FLNB: variants seen among roughly 807,000 people sequenced by gnomAD.
FLNB encodes the protein filamin B, also known as filamin-B.
Under a neutral mutation model 250.6 loss-of-function variants are expected in FLNB, and 111 were observed. The observed-to-expected ratio is 0.44, with a 90% confidence interval of 0.38 to 0.52. FLNB has a LOEUF of 0.52. Among genes scored for constraint, FLNB ranks in the 20% least tolerant of loss-of-function variants. The pLI, the probability that FLNB is intolerant of heterozygous loss-of-function variation, is 0.00. For synonymous variants in FLNB, 1,302 were observed against 1,372.1 expected (o/e 0.95, Z 1.13); for missense variants, 2,869 against 3,447.8 (o/e 0.83, Z 4.20).
Position 58,146,027 on chromosome 3 carries a change from C to T in FLNB, c.5532C>T (p.Ile1844=), listed in dbSNP as rs202240037. 2.0e-4 allele frequency: 321 copies of T among 1,614,230 alleles called. No individual in the cohort carries two copies. In the East Asian group the frequency reaches 3.0e-3, roughly 15 times the overall value. Reference sequence around the variant, plus strand: ...CCAACAAAACTGCCACCTTCACCATCGTCACAGAGGATGCAGGAGAAGGTA... The same window carrying T: ...CCAACAAAACTGCCACCTTCACCATTGTCACAGAGGATGCAGGAGAAGGTA... ...GVANKTATFT[I]VTEDAGEGGL... The change falls in exon 33 of 46, where the codon ATC becomes ATT. Residue 1844 remains isoleucine (I), a synonymous_variant. Coordinates refer to ENST00000295956, the MANE Select transcript of FLNB (RefSeq NM_001457.4).
rs778121912 is a variant in FLNB at position 58,123,659 on chromosome 3, C to G, written c.3693C>G (p.Ile1231Met). ...KVEPAVDTSR[I>M]KVFGPGIEGK... Reference sequence around the variant, plus strand: ...AGCCCGCCGTGGACACCAGCAGGATCAAAGTCTTTGGACCAGGAATAGAAG... The same window carrying G: ...AGCCCGCCGTGGACACCAGCAGGATGAAAGTCTTTGGACCAGGAATAGAAG... The change falls in exon 21 of 46, where the codon ATC (isoleucine) becomes ATG (methionine). Residue 1231 changes from isoleucine to methionine, a missense_variant. Ile to Met is a conservative substitution (Grantham distance 10). Transcript: ENST00000295956. 6.9e-7 allele frequency: 1 copy of G among 1,445,596 alleles called. No homozygotes were observed. The highest frequency in any genetic ancestry group is 9.4e-7 in the Non-Finnish European group (1 of 1,058,802). 89.5% of individuals were successfully genotyped at this position (1,445,596 alleles called of 1,614,324 possible).
At chr3:58,130,221 C>A (rs2097304736) in intron 24 of FLNB, among the ~76,000 whole-genome samples, 1 of 152,188 alleles carries the variant, frequency 6.6e-6, no homozygotes, top group Non-Finnish European at 1.5e-5. Context: ...TCTCTCCGTT[C>A]TGTTGTTCCA....
intron 28 of FLNB, 137 bp from the exon 29 acceptor site, chr3:58,138,145 T>G: frequency 9.1e-7 from 1 of 1,101,806 alleles, no homozygotes; most frequent in African/African-American, 1.5e-5. Flanking sequence ...AGGGGATCTT[T>G]GGGATATCCC....
intron 1 of FLNB, among the ~76,000 whole-genome samples, chr3:58,046,251 A>G (rs1442765177): frequency 6.6e-6 from 1 of 152,052 alleles, no homozygotes; most frequent in African/African-American, 2.4e-5. Context: ...TCCTACTTGT[A>G]ACTACAATAC....
intron 1 of FLNB, among the ~76,000 whole-genome samples, chr3:58,015,049 G>A (rs546698363): frequency 6.6e-6 from 1 of 152,198 alleles, no homozygotes; most frequent in African/African-American, 2.4e-5. Context: ...TCAGTTTCCA[G>A]GTAGCATATC....
intron 1 of FLNB, among the ~76,000 whole-genome samples, chr3:58,072,264 T>C (rs1196515002): frequency 1.3e-5 from 2 of 152,088 alleles, no homozygotes; most frequent in African/African-American, 2.4e-5. Flanking sequence ...GAGAAACCCA[T>C]GGCCCAATTC....
rs76360456 is a variant in FLNB, at chr3:58,124,677, C to T, written c.3898+172C>T. 0.01 allele frequency among the ~76,000 whole-genome samples: 1,583 copies of T among 152,336 alleles called. 35 individuals carry two copies. The highest frequency in any genetic ancestry group is 0.036 in the African/African-American group (1,493 of 41,570). On this transcript the variant is annotated intron_variant, in intron 22 of 45. Coordinates refer to ENST00000295956, the MANE Select transcript of FLNB (RefSeq NM_001457.4). ...GCTGCAGTCACCTGCCCACTCAGTG[C>T]CTGGCTTGCTGGCCTTGTGTAATAG...
chr3:58,123,430 G>A lies in FLNB; in HGVS notation c.3464G>A (p.Ser1155Asn). 6.2e-7 allele frequency: 1 copy of A among 1,612,982 alleles called. No homozygotes were observed. The highest frequency in any genetic ancestry group is 8.5e-7 in the Non-Finnish European group (1 of 1,179,100). Residue 1155 changes from serine to asparagine, a missense_variant, in exon 21 of 46, where the codon AGC (serine) becomes AAC (asparagine). Ser to Asn is a conservative substitution (Grantham distance 46, BLOSUM62 1). This residue lies in a region of FLNB where 1,348 missense variants were observed against 1,466.7 expected (regional missense o/e 0.92). Transcript: ENST00000295956. ...AAGGTGGGTGAAGCTGGCCTCCTTA[G>A]CGTCGACTGCTCGGAAGCGGGACCG... ...HGKVGEAGLL[S>N]VDCSEAGPGA...
At chr3:58,070,214 A>G (rs967182058) in intron 1 of FLNB, among the ~76,000 whole-genome samples, 4 of 151,678 alleles carry the variant, frequency 2.6e-5, no homozygotes, top group Non-Finnish European at 4.4e-5. Context: ...TGCCCTGCTA[A>G]TTTTATTTTT....
At chr3:58,125,997 G>A (rs2097297163) in intron 23 of FLNB, among the ~76,000 whole-genome samples, 1 of 152,198 alleles carries the variant, frequency 6.6e-6, no homozygotes. Context: ...GTAAAAATTT[G>A]TAGCCAACCT....
In FLNB at chr3:58,142,559, T is replaced by A; in HGVS notation, c.5182-91T>A. 8.9e-7 allele frequency: 1 copy of A among 1,125,912 alleles called. No individual in the cohort carries two copies. The highest frequency in any genetic ancestry group is 1.3e-5 in the South Asian group (1 of 78,180). The allele number at this position is 1,125,912 out of a possible 1,614,324, so 69.7% of individuals were successfully genotyped here. On this transcript the variant is annotated intron_variant, in intron 30 of 45. Transcript: ENST00000295956. This position sits in a 1 kb window ranked among gnomAD's most constrained non-coding sequence, Gnocchi z 4.3. ...ATTCCCAAATCCCGGCCTCACTGGC[T>A]TGTAGAATTCCCAGCAGCTCTAACC...
intron 5 of FLNB, among the ~76,000 whole-genome samples, chr3:58,095,497 C>A (rs1456315272): frequency 6.6e-6 from 1 of 152,138 alleles, no homozygotes; most frequent in African/African-American, 2.4e-5. Flanking sequence ...CTCAGGTGAT[C>A]CACCTGCCTC....
At chr3:58,077,606 A>T (rs1045632400) in intron 2 of FLNB, among the ~76,000 whole-genome samples, 3 of 152,224 alleles carry the variant, frequency 2.0e-5, no homozygotes, top group African/African-American at 7.2e-5. Context: ...GTGTCTTCCC[A>T]CATTGGTGCT....
intron 4 of FLNB, among the ~76,000 whole-genome samples, chr3:58,093,686 C>A (rs1225131616): frequency 6.6e-6 from 1 of 151,950 alleles, no homozygotes; most frequent in African/African-American, 2.4e-5. Context: ...TTTACAGCAG[C>A]TTTATTGGTA....
Position 58,094,836 on chromosome 3 carries a change from G to T in FLNB, c.788G>T (p.Gly263Val). 1 of 1,613,588 alleles carries T rather than the reference G, an allele frequency of 6.2e-7. No individual in the cohort carries two copies. Among genetic ancestry groups the T allele is most frequent in the Non-Finnish European group, 8.5e-7 (1 of 1,179,506 alleles). ...NPKKARAYGR[G>V]IEPTGNMVKQ... The stretch of plus-strand genomic sequence containing the variant: ...ACATGTCTGTGTAAACCTGTGGCAG[G>T]AATCGAGCCCACTGGAAACATGGTG... The change falls in exon 5 of 46, where the codon GGA becomes GTA. Residue 263 changes from glycine (G) to valine (V), a missense_variant and splice_region_variant. By Grantham distance (109) the Gly-to-Val change is moderately radical. Transcript: ENST00000295956.
chr3:58,060,080 A>G (rs886324981), intron 1 of FLNB, among the ~76,000 whole-genome samples: 13 of 152,256 alleles, frequency 8.5e-5, no homozygotes, highest in African/African-American at 2.9e-4. Flanking sequence ...GTAACTGCAC[A>G]GGGCCAAGCC....
chr3:58,015,061 T>G (rs1320517299), intron 1 of FLNB, among the ~76,000 whole-genome samples: 1 of 152,172 alleles, frequency 6.6e-6, no homozygotes, highest in Non-Finnish European at 1.5e-5. Context: ...TAGCATATCC[T>G]AGGCAAAACT....
chr3:58,134,535 C>A (rs772797484), intron 26 of FLNB, 81 bp from the exon 27 acceptor site: 1 of 1,522,364 alleles, frequency 6.6e-7, no homozygotes, highest in Admixed American at 1.7e-5. Flanking sequence ...CCATCCCACT[C>A]TTATGTGTAA....
intron 38 of FLNB, among the ~76,000 whole-genome samples, chr3:58,151,788 G>A (rs2097345500): frequency 6.6e-6 from 1 of 152,150 alleles, no homozygotes; most frequent in Admixed American, 6.5e-5. Context: ...TGTGACATTT[G>A]CCACCCTGTG....
Sources: allele counts gnomAD v4.1 joint callset (sites outside exome capture counted in the v4.1 genomes callset), GRCh38; gene constraint gnomAD v4.1.1; regional missense constraint gnomAD v4.1.1; non-coding constraint Gnocchi (gnomAD v3.1); transcripts MANE v1.5; gene names NCBI Gene and HGNC (gene_info 2026-07-23, HGNC 2026-07-21).